The following CLVS2 variants were observed in gnomAD, a reference collection of about 807,000 sequenced individuals.
The protein encoded by CLVS2 is clavesin 2, also known as clavesin-2.
A neutral mutation model predicts 29.0 loss-of-function variants in CLVS2; 19 were observed. The ratio of observed to expected loss-of-function variants is 0.66; its 90% CI spans 0.46 to 0.96. The LOEUF is 0.96. Among genes scored for constraint, CLVS2 ranks in the 40% least tolerant of loss-of-function variants. The pLI, the probability that CLVS2 is intolerant of heterozygous loss-of-function variation, is 0.00. For synonymous variants in CLVS2, 161 were observed against 151.3 expected (o/e 1.06, Z -0.47); for missense variants, 294 against 404.1 (o/e 0.73, Z 2.34).
At chr6:123,037,231 C>T (rs891607690) in intron 3 of CLVS2, among the ~76,000 whole-genome samples, 1 of 152,124 alleles carries the variant, frequency 6.6e-6, no homozygotes, top group East Asian at 1.9e-4. Flanking sequence ...TCTCAACTAA[C>T]CCAGATTAAA....
intron 3 of CLVS2, among the ~76,000 whole-genome samples, chr6:123,016,104 A>G (rs977249088): frequency 6.7e-6 from 1 of 148,202 alleles, no homozygotes; most frequent in Non-Finnish European, 1.5e-5. Context: ...AAAAAATTAG[A>G]AAGTATTCGG....
Position 123,068,846 on chromosome 6 carries a change from A to C in CLVS2, c.*5085A>C, listed in dbSNP as rs2114378714. On this transcript the variant is annotated 3_prime_UTR_variant, in exon 6 of 6. Transcript: ENST00000275162. Reference sequence around the variant, plus strand: ...TTTGGACAAGTATACATTTCTGTTTAAAAGAAATGTATGCTTTTATTTTGT... The same window carrying C: ...TTTGGACAAGTATACATTTCTGTTTCAAAGAAATGTATGCTTTTATTTTGT... 6.6e-6 allele frequency: 1 copy of C among 151,846 alleles called. No homozygotes were observed. Among genetic ancestry groups the C allele is most frequent in the African/African-American group, 2.4e-5 (1 of 41,532 alleles). The allele number at this position is 151,846 out of a possible 1,614,324, so 9.4% of individuals were successfully genotyped here. A position where few individuals can be genotyped will look rare whatever the true frequency, so the allele number is the denominator to read the frequency against.
chr6:123,001,188 T>C (rs1774583767), intron 2 of CLVS2, among the ~76,000 whole-genome samples: 1 of 152,220 alleles, frequency 6.6e-6, no homozygotes, highest in South Asian at 2.1e-4. Context: ...GACAGTTTTC[T>C]GTGCTCTTCA....
intron 3 of CLVS2, among the ~76,000 whole-genome samples, chr6:123,043,961 T>TAC (rs974220964): frequency 3.3e-5 from 5 of 152,240 alleles, no homozygotes; most frequent in African/African-American, 1.2e-4. Flanking sequence ...CTGATACACA[T>TAC]ACACACACAC....
At chr6:123,013,596 T>A (rs1774782917) in intron 3 of CLVS2, among the ~76,000 whole-genome samples, 1 of 152,042 alleles carries the variant, frequency 6.6e-6, no homozygotes, top group Non-Finnish European at 1.5e-5. Context: ...TTCTCTTGAG[T>A]TGGCTGTAAC....
intron 3 of CLVS2, among the ~76,000 whole-genome samples, chr6:123,028,205 G>T (rs1003229202): frequency 9.3e-5 from 14 of 150,576 alleles, no homozygotes; most frequent in African/African-American, 3.2e-4. Context: ...CTATTTCTTG[G>T]CATTCTGTGT....
intron 5 of CLVS2, among the ~76,000 whole-genome samples, chr6:123,061,354 G>C (rs957271166): frequency 6.6e-6 from 1 of 151,024 alleles, no homozygotes; most frequent in Non-Finnish European, 1.5e-5. Flanking sequence ...ATGAGTTAAT[G>C]ATAGCTCCCT....
chr6:122,996,496 G>A lies in CLVS2; in HGVS notation c.-810G>A, dbSNP rs530080029. The A allele has an allele frequency of 4.4e-4, 67 of 152,980 alleles. No homozygotes were observed. Among genetic ancestry groups the A allele is most frequent in the African/African-American group, 1.5e-3 (62 of 41,576 alleles). The allele number at this position is 152,980 out of a possible 1,614,324, so 9.5% of individuals were successfully genotyped here. A position where few individuals can be genotyped will look rare whatever the true frequency, so the allele number is the denominator to read the frequency against. ...GGGCCAGGCGAGAACCTGGGACAGC[G>A]GTGGCCCTAGCCCTGCGATCCTCAC... On this transcript the variant is annotated 5_prime_UTR_variant, in exon 1 of 6. Coordinates refer to ENST00000275162, the MANE Select transcript of CLVS2 (RefSeq NM_001010852.4).
At chr6:123,042,471 A>G (rs947743103) in intron 3 of CLVS2, among the ~76,000 whole-genome samples, 1 of 152,146 alleles carries the variant, frequency 6.6e-6, no homozygotes, top group African/African-American at 2.4e-5. Context: ...ATGAGGAATG[A>G]AAGTTAAGTG....
At chr6:123,025,641 T>A (rs1271171138) in intron 3 of CLVS2, among the ~76,000 whole-genome samples, 1 of 152,144 alleles carries the variant, frequency 6.6e-6, no homozygotes, top group African/African-American at 2.4e-5. Context: ...CTCCAAGAAT[T>A]GCCCTTGCTT....
chr6:123,011,536 A>C (rs2114308562), intron 3 of CLVS2, among the ~76,000 whole-genome samples: 1 of 152,086 alleles, frequency 6.6e-6, no homozygotes, highest in Middle Eastern at 3.4e-3. Flanking sequence ...AACCTGGTGA[A>C]TTTGGGATAT....
intron 3 of CLVS2, among the ~76,000 whole-genome samples, chr6:123,015,990 AT>A (rs1401360804): frequency 9.5e-6 from 1 of 105,432 alleles, no homozygotes; most frequent in East Asian, 3.3e-4. Context: ...AACAAAATGT[AT>A]TTCCGTGATA....
rs760240374 is a variant in CLVS2 at position 123,018,475 on chromosome 6, CACTT to C, written c.564+7318_564+7321del. ...ATTTTTATAAATTTTATCTCATGAA[CACTT>C]AATTAAAATCTTTCAAGTATCAATT... On this transcript the variant is annotated intron_variant, in intron 3 of 5. Coordinates refer to ENST00000275162, the MANE Select transcript of CLVS2 (RefSeq NM_001010852.4). Among the ~76,000 whole-genome samples the C allele has an allele frequency of 1.3e-4, 20 of 151,950 alleles. No homozygotes were observed. The East Asian group carries it at 2.5e-3, about 19-fold the overall frequency.
chr6:123,055,173 A>C (rs902088644), intron 4 of CLVS2, among the ~76,000 whole-genome samples: 1 of 152,178 alleles, frequency 6.6e-6, no homozygotes, highest in African/African-American at 2.4e-5. Context: ...TTTAGTAGAG[A>C]AGATACTGGC....
At position 123,068,986 on chromosome 6, in the gene CLVS2, A is replaced by C. The variant is rs1458780418; in HGVS notation, c.*5225A>C. On this transcript the variant is annotated 3_prime_UTR_variant, in exon 6 of 6. Coordinates refer to ENST00000275162, the MANE Select transcript of CLVS2 (RefSeq NM_001010852.4). The stretch of plus-strand genomic sequence containing the variant: ...GATTTCTTTAAAAAATCGTCTAAAA[A>C]TTAGCAATATTTTTATTTTGAGAGA... The C allele has an allele frequency of 6.6e-6, 1 of 151,744 alleles. No individual in the cohort carries two copies. Among genetic ancestry groups the C allele is most frequent in the Non-Finnish European group, 1.5e-5 (1 of 67,792 alleles). 9.4% of individuals were successfully genotyped at this position (151,744 alleles called of 1,614,324 possible).
chr6:123,029,445 C>T (rs1422883061), intron 3 of CLVS2, among the ~76,000 whole-genome samples: 1 of 152,026 alleles, frequency 6.6e-6, no homozygotes, highest in Admixed American at 6.6e-5. Context: ...GAAAATGCAT[C>T]GTTGGAAGCA....
rs570235815 is a variant in CLVS2, at chr6:122,998,310, T to C, written c.389+144T>C. Reference sequence around the variant, plus strand: ...AGAAACAAACCAGGAGATGAGTTTTTGGTGGGCACCCTGGGAAGGGAGGAG... The same window carrying C: ...AGAAACAAACCAGGAGATGAGTTTTCGGTGGGCACCCTGGGAAGGGAGGAG... On this transcript the variant is annotated intron_variant, in intron 2 of 5. Transcript: ENST00000275162. The C allele has an allele frequency of 1.6e-5, 16 of 1,005,144 alleles. No homozygotes were observed. The East Asian group carries it at 3.0e-4, about 19-fold the overall frequency. 62.3% of individuals were successfully genotyped at this position (1,005,144 alleles called of 1,614,324 possible).
chr6:123,018,360 C>T (rs1218574133), intron 3 of CLVS2, among the ~76,000 whole-genome samples: 1 of 151,936 alleles, frequency 6.6e-6, no homozygotes, highest in African/African-American at 2.4e-5. Context: ...TCAATTTATC[C>T]TTTTAGAACA....
chr6:123,011,123 A>G lies in CLVS2; in HGVS notation c.528A>G (p.Thr176=), dbSNP rs201320099. The G allele has an allele frequency of 6.8e-6, 11 of 1,609,620 alleles. No homozygotes were observed. The highest frequency in any genetic ancestry group is 6.8e-6 in the Non-Finnish European group (8 of 1,177,684). ...CTTTCAAGCAAGCCTCTAAACTCAC[A>G]CCAAGTATGCTGCGATTAGCTATTG... The part of the protein sequence containing the change: ...NFTFKQASKL[T]PSMLRLAIEG... The change falls in exon 3 of 6, where the codon ACA becomes ACG. Residue 176 remains threonine, a synonymous_variant. Transcript: ENST00000275162.
Sources: gnomAD v4.1 joint callset for allele counts (sites outside exome capture counted in the v4.1 genomes callset) on GRCh38, gnomAD v4.1.1 for gene constraint, MANE v1.5 for transcripts, NCBI Gene and HGNC (gene_info 2026-07-23, HGNC 2026-07-21) for gene names.